MYO1A: variants seen among roughly 807,000 people sequenced by gnomAD.
The protein encoded by MYO1A is unconventional myosin-Ia.
A neutral mutation model predicts 138.5 loss-of-function variants in MYO1A; 127 were observed. The observed-to-expected ratio is 0.92, with a 90% confidence interval of 0.79 to 1.06. MYO1A has a LOEUF of 1.06. MYO1A is among the 50% of genes least tolerant of loss of function. The pLI is 0.00. For missense variants in MYO1A, 1,211 were observed against 1,288.8 expected (o/e 0.94, Z 0.92); for synonymous variants, 477 against 497.5 (o/e 0.96, Z 0.55).
intron 19 of MYO1A, 50 bp downstream of exon 19, chr12:57,037,498 G>A (rs973972560): frequency 6.6e-7 from 1 of 1,513,644 alleles, no homozygotes; most frequent in Middle Eastern, 1.7e-4. Context: ...TCTCAGGTGG[G>A]CTCTTCCACC....
chr12:57,029,421 C>A lies in MYO1A; in HGVS notation c.2877+14G>T. Reference sequence around the variant, plus strand: ...CTTCTCCAGTCCAAGGCTTGCCCCACCCAGCTCTGATACCTCACTCAGATG... The same window carrying A: ...CTTCTCCAGTCCAAGGCTTGCCCCAACCAGCTCTGATACCTCACTCAGATG... On this transcript the variant is annotated intron_variant, in intron 26 of 27. Transcript: ENST00000300119. 1 of 1,614,036 alleles carries A rather than the reference C, an allele frequency of 6.2e-7. No individual in the cohort carries two copies. The highest frequency in any genetic ancestry group is 8.5e-7 in the Non-Finnish European group (1 of 1,179,940).
chr12:57,043,279 T>C lies in MYO1A; in HGVS notation c.972A>G (p.Thr324=). Residue 324 remains threonine, a synonymous_variant, in exon 11 of 28, where the codon ACA becomes ACG. Coordinates refer to ENST00000300119, the MANE Select transcript of MYO1A (RefSeq NM_005379.4). ...ERALCSRTME[T]AKEKVVTALN... ...GTGCAGTGACCACCTTTTCCTTGGC[T>C]GTTTCCATGGTCCTCGAGCACAAAG... The C allele has an allele frequency of 6.2e-7, 1 of 1,614,218 alleles. No individual in the cohort carries two copies. Among genetic ancestry groups the C allele is most frequent in the Non-Finnish European group, 8.5e-7 (1 of 1,180,032 alleles).
intron 22 of MYO1A, among the ~76,000 whole-genome samples, chr12:57,033,544 A>C (rs1473574422): frequency 6.6e-6 from 1 of 151,968 alleles, no homozygotes; most frequent in Non-Finnish European, 1.5e-5. Context: ...TTTTTTGTAG[A>C]GTCTAGGTCT....
chr12:57,049,483 AG>A (rs1423978793), intron 1 of MYO1A, among the ~76,000 whole-genome samples: 24 of 152,200 alleles, frequency 1.6e-4, no homozygotes, highest in African/African-American at 5.8e-4. Context: ...CCCAAGCTCT[AG>A]GAAAAGAGAG....
At chr12:57,029,927 C>G in intron 24 of MYO1A, 55 bp from the exon 25 acceptor site, 1 of 1,613,436 alleles carries the variant, frequency 6.2e-7, no homozygotes. Flanking sequence ...CTCTTCCCCA[C>G]CCCCAGAGTT....
intron 12 of MYO1A, among the ~76,000 whole-genome samples, chr12:57,041,781 T>C (rs1056618537): frequency 6.6e-6 from 1 of 152,230 alleles, no homozygotes; most frequent in Non-Finnish European, 1.5e-5. Flanking sequence ...AACCATCTCT[T>C]ATATTTGTAG....
intron 19 of MYO1A, 133 bp from the exon 20 acceptor site, chr12:57,037,224 A>G: frequency 8.6e-7 from 1 of 1,164,204 alleles, no homozygotes; most frequent in South Asian, 1.4e-5. Flanking sequence ...TAGTTTGCTC[A>G]TTTATTCATT....
At chr12:57,041,840 G>A (rs1372737323) in intron 12 of MYO1A, among the ~76,000 whole-genome samples, 3 of 152,144 alleles carry the variant, frequency 2.0e-5, no homozygotes, top group Admixed American at 6.5e-5. Flanking sequence ...ACCTTATAAG[G>A]TATTATTGTT....
chr12:57,036,816 T>G lies in MYO1A; in HGVS notation c.2230A>C (p.Lys744Gln). The change falls in exon 21 of 28, where the codon AAG (lysine) becomes CAG (glutamine). Residue 744 changes from lysine to glutamine, a missense_variant. By Grantham distance (53) the Lys-to-Gln change is moderately conservative. Transcript: ENST00000300119. ...NMQKKCYGKI[K>Q]ASVLLIQAFV... ...GCCTGGATCAATAACACGGATGCCT[T>G]TATCTTCCCATAGCATTTCTTTTGC... 6.2e-7 allele frequency: 1 copy of G among 1,614,234 alleles called. No individual in the cohort carries two copies. The highest frequency in any genetic ancestry group is 1.1e-5 in the South Asian group (1 of 91,080).
At position 57,043,261 on chromosome 12, in the gene MYO1A, G is replaced by A; in HGVS notation, c.990C>T (p.Val330=). Residue 330 remains valine (V), a synonymous_variant, in exon 11 of 28, where the codon GTC becomes GTT. Transcript: ENST00000300119. The part of the protein sequence containing the change: ...RTMETAKEKV[V]TALNVMQAQY... The stretch of plus-strand genomic sequence containing the variant: ...TTACCTGCATAACATTCAGTGCAGT[G>A]ACCACCTTTTCCTTGGCTGTTTCCA... The A allele has an allele frequency of 6.2e-7, 1 of 1,614,158 alleles. No homozygotes were observed. Among genetic ancestry groups the A allele is most frequent in the Non-Finnish European group, 8.5e-7 (1 of 1,180,000 alleles).
rs781172605 is a variant in MYO1A, at chr12:57,037,004, T to C, written c.2143A>G (p.Thr715Ala). 3 of 1,613,936 alleles carry C rather than the reference T, an allele frequency of 1.9e-6. No homozygotes were observed. The highest frequency in any genetic ancestry group is 1.1e-5 in the South Asian group (1 of 91,078). Reference protein sequence around the residue: ...QKIYRGWRCRTHYQLMRKSQI... With the variant: ...QKIYRGWRCRAHYQLMRKSQI... Reference sequence around the variant, plus strand: ...CTCTTTCGCATCAGTTGGTAGTGGGTGCGGCAGCGCCAGCCTCGGTAAATC... The same window carrying C: ...CTCTTTCGCATCAGTTGGTAGTGGGCGCGGCAGCGCCAGCCTCGGTAAATC... The change falls in exon 20 of 28, where the codon ACC becomes GCC. Residue 715 changes from threonine (T) to alanine (A), a missense_variant. Thr to Ala is a moderately conservative substitution (Grantham distance 58). Transcript: ENST00000300119.
rs995416216 is a variant in MYO1A at position 57,044,294 on chromosome 12, A to C, written c.641-85T>G. 50 of 1,045,442 alleles carry C rather than the reference A, an allele frequency of 4.8e-5. No individual in the cohort carries two copies. In the African/African-American group the frequency reaches 7.2e-4, roughly 15 times the overall value. The allele number at this position is 1,045,442 out of a possible 1,614,324, so 64.8% of individuals were successfully genotyped here. On this transcript the variant is annotated intron_variant, in intron 8 of 27. Transcript: ENST00000300119. ...CTTGACACCTCACAGCCCTTGCCCT[A>C]ATGGATTCATTCACTTATCCAAAGG...
rs759825390 is a variant in MYO1A, at chr12:57,046,937, A to C, written c.478-11T>G. 10 of 1,613,772 alleles carry C rather than the reference A, an allele frequency of 6.2e-6. No homozygotes were observed. Among genetic ancestry groups the C allele is most frequent in the Non-Finnish European group, 4.2e-6 (5 of 1,179,850 alleles). Reference sequence around the variant, plus strand: ...ATCCATGTATTTTCCCTTCAGAGAGAGACCAGAGAGAGAGACTTAGCTTCT... The same window carrying C: ...ATCCATGTATTTTCCCTTCAGAGAGCGACCAGAGAGAGAGACTTAGCTTCT... On this transcript the variant is annotated splice_polypyrimidine_tract_variant and intron_variant, in intron 6 of 27. Transcript: ENST00000300119.
chr12:57,044,796 C>T (rs2031022464), intron 8 of MYO1A, among the ~76,000 whole-genome samples: 1 of 152,314 alleles, frequency 6.6e-6, no homozygotes, highest in East Asian at 1.9e-4. Context: ...TACTCTTCTC[C>T]CTACCCTCAG....
intron 6 of MYO1A, 36 bp downstream of exon 6, chr12:57,047,025 C>T: frequency 1.2e-6 from 2 of 1,613,762 alleles, no homozygotes; most frequent in Non-Finnish European, 1.7e-6. Context: ...TAAGCCCCCA[C>T]ATCCTCTCTT....
At chr12:57,041,149 G>T in intron 14 of MYO1A, 35 bp downstream of exon 14, 2 of 1,524,216 alleles carry the variant, frequency 1.3e-6, no homozygotes, top group Non-Finnish European at 1.8e-6. Context: ...CCTAGAAGTT[G>T]TTTAAGAGGG....
chr12:57,029,647 G>A (rs747166970), intron 25 of MYO1A, 60 bp from the exon 26 acceptor site: 76 of 1,613,794 alleles, frequency 4.7e-5, no homozygotes, highest in Non-Finnish European at 6.2e-5. Flanking sequence ...ACTCCACCTG[G>A]CAGGGCGCAA....
rs777973385 is a variant in MYO1A at position 57,047,680 on chromosome 12, C to T, written c.272G>A (p.Arg91Lys). Residue 91 changes from arginine (R) to lysine (K), a missense_variant, in exon 4 of 28, where the codon AGG becomes AAG. Physicochemically the swap from Arg to Lys is conservative, Grantham distance 26. Transcript: ENST00000300119. ...ANVAYQSLRD[R>K]DRDQCILITG... ...GATGAGGATACACTGGTCTCGGTCC[C>T]TGTCCCTCAGTGACTGGTACGCCAC... 1.2e-5 allele frequency: 19 copies of T among 1,614,136 alleles called. No individual in the cohort carries two copies. In the South Asian group the frequency reaches 2.1e-4, roughly 18 times the overall value.
rs2030933703 is a variant in MYO1A at position 57,043,126 on chromosome 12, G to A, written c.1044C>T (p.Asn348=). 3 of 1,614,096 alleles carry A rather than the reference G, an allele frequency of 1.9e-6. No homozygotes were observed. Among genetic ancestry groups the A allele is most frequent in the Non-Finnish European group, 2.5e-6 (3 of 1,180,044 alleles). The part of the protein sequence containing the change: ...AQYARDALAK[N]IYSRLFDWIV... Reference sequence around the variant, plus strand: ...TCCAGTCAAAGAGGCGGCTGTAGATGTTCTTAGCCAGGGCGTCCCGAGCAT... The same window carrying A: ...TCCAGTCAAAGAGGCGGCTGTAGATATTCTTAGCCAGGGCGTCCCGAGCAT... Residue 348 remains asparagine (N), a synonymous_variant, in exon 12 of 28, where the codon AAC becomes AAT. Transcript: ENST00000300119.
Sources: gnomAD v4.1 joint callset for allele counts (sites outside exome capture counted in the v4.1 genomes callset) on GRCh38, gnomAD v4.1.1 for gene constraint, MANE v1.5 for transcripts, NCBI Gene and HGNC (gene_info 2026-07-23, HGNC 2026-07-21) for gene names.